PIP5K1B: variants seen among roughly 807,000 people sequenced by gnomAD.
PIP5K1B encodes phosphatidylinositol-4-phosphate 5-kinase type 1 beta.
A neutral mutation model predicts 67.0 loss-of-function variants in PIP5K1B; 42 were observed. The observed-to-expected ratio is 0.63, with a 90% CI of 0.49 to 0.81. PIP5K1B has a LOEUF of 0.81. Among genes scored for constraint, PIP5K1B ranks in the 30% least tolerant of loss-of-function variants. The pLI is 0.00. For missense variants in PIP5K1B, 459 were observed against 646.3 expected (o/e 0.71, Z 3.14); for synonymous variants, 214 against 231.4 (o/e 0.92, Z 0.68).
chr9:68,723,043 T>G (rs922269205), intron 1 of PIP5K1B, among the ~76,000 whole-genome samples: 1 of 152,180 alleles, frequency 6.6e-6, no homozygotes, highest in African/African-American at 2.4e-5. Flanking sequence ...AGTGAGAACA[T>G]GGAATATTTG....
intron 14 of PIP5K1B, among the ~76,000 whole-genome samples, chr9:68,960,344 C>T (rs1002194394): frequency 4.6e-5 from 7 of 152,136 alleles, no homozygotes; most frequent in Non-Finnish European, 1.0e-4. Context: ...TGGAGTTGGT[C>T]TTATTTTCAT....
chr9:68,866,156 A>G (rs1823344584), intron 5 of PIP5K1B, among the ~76,000 whole-genome samples: 1 of 151,960 alleles, frequency 6.6e-6, no homozygotes, highest in South Asian at 2.1e-4. Context: ...TGCAGCCTAT[A>G]AATGTGCACA....
intron 2 of PIP5K1B, among the ~76,000 whole-genome samples, chr9:68,757,463 G>A (rs182213510): frequency 1.1e-4 from 16 of 151,972 alleles, no homozygotes; most frequent in African/African-American, 1.7e-4. Context: ...GAACTAGGGG[G>A]CTTCATTATG....
At chr9:68,909,906 C>T (rs12686693) in intron 8 of PIP5K1B, among the ~76,000 whole-genome samples, 1 of 152,078 alleles carries the variant, frequency 6.6e-6, no homozygotes, top group Admixed American at 6.5e-5. Context: ...CTAGACTGCA[C>T]AAAGGAATTT....
intron 5 of PIP5K1B, among the ~76,000 whole-genome samples, chr9:68,874,416 T>C (rs1823776019): frequency 1.3e-5 from 2 of 152,234 alleles, no homozygotes; most frequent in Admixed American, 6.5e-5. Flanking sequence ...TGAGCATTCT[T>C]GTGTGTATGG....
At chr9:68,977,757 C>T (rs1464697007) in intron 14 of PIP5K1B, among the ~76,000 whole-genome samples, 10 of 149,708 alleles carry the variant, frequency 6.7e-5, no homozygotes, top group Non-Finnish European at 1.0e-4. Context: ...CAGGTTGAAG[C>T]GATTCTCCTG....
At chr9:68,709,644 TA>T (rs1390666550) in intron 1 of PIP5K1B, among the ~76,000 whole-genome samples, 6 of 152,086 alleles carry the variant, frequency 3.9e-5, no homozygotes, top group African/African-American at 1.2e-4. Flanking sequence ...ACTGTTCAAA[TA>T]GAAACCAAAG....
At chr9:68,738,066 A>G (rs34414551) in intron 1 of PIP5K1B, among the ~76,000 whole-genome samples, 34,556 of 152,150 alleles carry the variant, frequency 0.23, 4,077 homozygotes, top group East Asian at 0.32. Context: ...CAGCCTAGAA[A>G]GAGGTTTCTA....
chr9:68,942,480 G>T (rs544869738), intron 14 of PIP5K1B, among the ~76,000 whole-genome samples: 2 of 152,022 alleles, frequency 1.3e-5, no homozygotes, highest in Admixed American at 6.5e-5. Flanking sequence ...GGTGGTGGTG[G>T]TGGTGGTAAG....
chr9:68,981,324 AG>A (rs1306818485), intron 14 of PIP5K1B, among the ~76,000 whole-genome samples: 1 of 152,232 alleles, frequency 6.6e-6, no homozygotes, highest in African/African-American at 2.4e-5. Context: ...AGGGTAGAAG[AG>A]GGTAAATGTC....
intron 1 of PIP5K1B, among the ~76,000 whole-genome samples, chr9:68,737,328 T>C (rs764726155): frequency 6.6e-6 from 1 of 152,222 alleles, no homozygotes; most frequent in African/African-American, 2.4e-5. Flanking sequence ...AATAGTGTTA[T>C]GTTTATTTTG....
intron 1 of PIP5K1B, among the ~76,000 whole-genome samples, chr9:68,718,796 CT>C (rs1827746978): frequency 6.6e-6 from 1 of 152,156 alleles, no homozygotes; most frequent in Admixed American, 6.5e-5. Context: ...AATGGCCCTA[CT>C]TTGCTGTCTT....
chr9:68,727,990 A>C (rs944935805), intron 1 of PIP5K1B, among the ~76,000 whole-genome samples: 2 of 152,214 alleles, frequency 1.3e-5, no homozygotes, highest in Admixed American at 1.3e-4. Context: ...TCCTTTCCCC[A>C]GTCAGTGGCA....
intron 14 of PIP5K1B, among the ~76,000 whole-genome samples, chr9:68,962,117 A>G (rs773068067): frequency 6.6e-6 from 1 of 152,236 alleles, no homozygotes; most frequent in African/African-American, 2.4e-5. Context: ...TTACCTGAAC[A>G]GAAATACATA....
At position 68,775,556 on chromosome 9, in the gene PIP5K1B, T is replaced by A. The variant is rs78630993; in HGVS notation, c.-86+32899T>A. Among the ~76,000 whole-genome samples, 639 of 152,328 alleles carry A rather than the reference T, an allele frequency of 4.2e-3. 3 individuals carry two copies. The highest frequency in any genetic ancestry group is 0.014 in the African/African-American group (590 of 41,566). On this transcript the variant is annotated intron_variant, in intron 2 of 15. Coordinates refer to ENST00000265382, the MANE Select transcript of PIP5K1B (RefSeq NM_003558.4). ...AGCATGGATGCACTGGTTGTAGGGA[T>A]GATTCATGTCCCAGGTCAGATGGAG... is the stretch of plus-strand genomic sequence containing the variant.
At chr9:69,007,837 A>G (rs1342069416) in intron 15 of PIP5K1B, among the ~76,000 whole-genome samples, 1 of 152,098 alleles carries the variant, frequency 6.6e-6, no homozygotes, top group East Asian at 1.9e-4. Context: ...AGCCTGGGCA[A>G]CAGAGTGAGA....
In PIP5K1B at chr9:68,917,718, A is replaced by G. The variant is rs774485059; in HGVS notation, c.942A>G (p.Pro314=). The part of the protein sequence containing the change: ...YSTAMESIQG[P]GKSGDGIITE... ...CAGCCATGGAATCTATCCAGGGTCC[A>G]GGGAAATCTGGAGATGGGATAATCA... Residue 314 remains proline (P), a synonymous_variant, in exon 9 of 16, where the codon CCA becomes CCG. Coordinates refer to ENST00000265382, the MANE Select transcript of PIP5K1B (RefSeq NM_003558.4). 2.5e-6 allele frequency: 4 copies of G among 1,614,150 alleles called. No homozygotes were observed. The highest frequency in any genetic ancestry group is 1.7e-6 in the Non-Finnish European group (2 of 1,179,962).
chr9:68,971,370 A>G (rs1829359239), intron 14 of PIP5K1B, among the ~76,000 whole-genome samples: 1 of 152,194 alleles, frequency 6.6e-6, no homozygotes, highest in African/African-American at 2.4e-5. Flanking sequence ...TATATGTACC[A>G]CATTTTCTTT....
At chr9:68,966,983 T>C (rs898185911) in intron 14 of PIP5K1B, among the ~76,000 whole-genome samples, 1 of 152,206 alleles carries the variant, frequency 6.6e-6, no homozygotes, top group African/African-American at 2.4e-5. Context: ...TTAACTATGA[T>C]TGATTTATTA....
Sources: allele counts gnomAD v4.1 joint callset (sites outside exome capture counted in the v4.1 genomes callset), GRCh38; gene constraint gnomAD v4.1.1; transcripts MANE v1.5; gene names NCBI Gene and HGNC (gene_info 2026-07-23, HGNC 2026-07-21).